Variants in ABRAXAS2 observed in about 807,000 individuals in gnomAD.
ABRAXAS2 encodes the protein BRISC complex subunit Abraxas 2.
A neutral mutation model predicts 49.0 loss-of-function variants in ABRAXAS2; 23 were observed. The observed-to-expected ratio is 0.47, with a 90% CI of 0.34 to 0.66. The LOEUF is 0.66. ABRAXAS2 is among the 30% of genes least tolerant of loss of function. ABRAXAS2 has a pLI of 0.01. For missense variants in ABRAXAS2, 443 were observed against 511.9 expected, an observed-to-expected ratio of 0.87 and a Z score of 1.30; for synonymous variants, 168 against 180.2, an observed-to-expected ratio of 0.93 and a Z score of 0.54.
At chr10:124,808,276 G>A (rs1477247625) in intron 2 of ABRAXAS2, among the ~76,000 whole-genome samples, 1 of 151,762 alleles carries the variant, frequency 6.6e-6, no homozygotes, top group Admixed American at 6.6e-5. Flanking sequence ...CCCGGGTTCA[G>A]GCCATTCTCC....
At chr10:124,815,772 T>G (rs1950820437) in intron 2 of ABRAXAS2, among the ~76,000 whole-genome samples, 1 of 152,050 alleles carries the variant, frequency 6.6e-6, no homozygotes, top group Non-Finnish European at 1.5e-5. Context: ...AAAGGGTTAA[T>G]AGACTTCCAG....
chr10:124,826,582 A>G lies in ABRAXAS2; in HGVS notation c.268-13A>G, dbSNP rs1490107622. The G allele has an allele frequency of 6.2e-7, 1 of 1,601,780 alleles. No individual in the cohort carries two copies. The highest frequency in any genetic ancestry group is 1.7e-5 in the Admixed American group (1 of 58,130). ...TGTAAGATTTCATGCAACTTTTCAC[A>G]CTTTTCTTTCAGAAAGTCATTGGGT... On this transcript the variant is annotated splice_polypyrimidine_tract_variant and intron_variant, in intron 4 of 8. Coordinates refer to ENST00000298492, the MANE Select transcript of ABRAXAS2 (RefSeq NM_032182.4).
intron 1 of ABRAXAS2, among the ~76,000 whole-genome samples, chr10:124,803,712 A>T (rs553444099): frequency 6.6e-6 from 1 of 152,172 alleles, no homozygotes; most frequent in African/African-American, 2.4e-5. Flanking sequence ...GACCAGCCTG[A>T]CCAACAAGGA....
rs763611372 is a variant in ABRAXAS2 at position 124,801,862 on chromosome 10, T to C, written c.33T>C (p.Ser11=). Residue 11 remains serine, a synonymous_variant, in exon 1 of 9, where the codon AGT becomes AGC. Transcript: ENST00000298492. Reference sequence around the variant, plus strand: ...CGTCCATTTCGGGCTACACCTTCAGTGCTGTGTGTTTCCACAGCGCCAACA... The same window carrying C: ...CGTCCATTTCGGGCTACACCTTCAGCGCTGTGTGTTTCCACAGCGCCAACA... MAASISGYTF[S]AVCFHSANSN... The C allele has an allele frequency of 2.5e-6, 4 of 1,613,336 alleles. No homozygotes were observed. In the South Asian group the frequency reaches 4.4e-5, roughly 18 times the overall value.
In ABRAXAS2 at chr10:124,827,842, T is replaced by C. The variant is rs546365087; in HGVS notation, c.459-914T>C. The stretch of plus-strand genomic sequence containing the variant: ...TTTCCCTCTGGAAGTTTATTTGTTG[T>C]AGAATAAATTAAATTGACATCAGTG... On this transcript the variant is annotated intron_variant, in intron 5 of 8. Transcript: ENST00000298492. Among the ~76,000 whole-genome samples, 105 of 152,328 alleles carry C rather than the reference T, an allele frequency of 6.9e-4. 3 individuals are homozygous for C. The South Asian group carries it at 0.021, about 30-fold the overall frequency.
chr10:124,821,595 C>T (rs1318682384), intron 4 of ABRAXAS2, among the ~76,000 whole-genome samples: 1 of 151,886 alleles, frequency 6.6e-6, no homozygotes, highest in African/African-American at 2.4e-5. Flanking sequence ...AAGAAATCCA[C>T]AAATGGCCAA....
chr10:124,810,589 G>GTTT (rs200123779), intron 2 of ABRAXAS2, among the ~76,000 whole-genome samples: 3 of 146,788 alleles, frequency 2.0e-5, no homozygotes, highest in South Asian at 2.1e-4. Flanking sequence ...GATGTTTTTG[G>GTTT]TTTTTTTTTT....
chr10:124,807,632 C>T (rs886681549), intron 2 of ABRAXAS2, among the ~76,000 whole-genome samples: 2 of 152,090 alleles, frequency 1.3e-5, no homozygotes, highest in Non-Finnish European at 2.9e-5. Context: ...AAGAAAAAAA[C>T]TAAAATTATT....
chr10:124,824,568 G>GA (rs1326355194), intron 4 of ABRAXAS2, among the ~76,000 whole-genome samples: 2 of 151,166 alleles, frequency 1.3e-5, no homozygotes, highest in African/African-American at 4.9e-5. Context: ...AGGCAGCTAG[G>GA]AAAAAAAATG....
At chr10:124,811,922 C>T (rs928357378) in intron 2 of ABRAXAS2, among the ~76,000 whole-genome samples, 3 of 152,052 alleles carry the variant, frequency 2.0e-5, no homozygotes, top group African/African-American at 7.2e-5. Flanking sequence ...GGGTTACAGG[C>T]ATGCACCACC....
At chr10:124,824,629 A>G (rs1008392715) in intron 4 of ABRAXAS2, among the ~76,000 whole-genome samples, 6 of 152,192 alleles carry the variant, frequency 3.9e-5, no homozygotes, top group African/African-American at 1.4e-4. Context: ...TAGTCATCCA[A>G]TAGCCACCTT....
At chr10:124,808,033 T>C (rs1179277520) in intron 2 of ABRAXAS2, among the ~76,000 whole-genome samples, 2 of 152,214 alleles carry the variant, frequency 1.3e-5, no homozygotes, top group African/African-American at 4.8e-5. Flanking sequence ...TTTATAGCTA[T>C]AGACACGCCC....
At chr10:124,833,394 G>A (rs901597052) in intron 8 of ABRAXAS2, among the ~76,000 whole-genome samples, 10 of 152,044 alleles carry the variant, frequency 6.6e-5, no homozygotes, top group African/African-American at 1.9e-4. Context: ...GAGCCTGACA[G>A]GTCAAGGCTG....
intron 1 of ABRAXAS2, among the ~76,000 whole-genome samples, chr10:124,805,868 A>C (rs1027143262): frequency 9.9e-5 from 15 of 152,198 alleles, no homozygotes; most frequent in Non-Finnish European, 1.2e-4. Flanking sequence ...AAGTTACTTT[A>C]GGATTTAGAG....
chr10:124,812,922 C>A (rs1165386050), intron 2 of ABRAXAS2, among the ~76,000 whole-genome samples: 1 of 152,188 alleles, frequency 6.6e-6, no homozygotes, highest in Non-Finnish European at 1.5e-5. Flanking sequence ...ACATTTTGGG[C>A]TGGGCGTGGT....
Position 124,834,576 on chromosome 10 carries a change from TC to T in ABRAXAS2, c.855del (p.Ser286LeufsTer35). Reference sequence around the variant, plus strand: ...CCCAGCGTTCAGTCCTCGGATGCCGTCCTCTGGGTTTGCAGCTGAAGGCAGA... The same window carrying T: ...CCCAGCGTTCAGTCCTCGGATGCCGTCTCTGGGTTTGCAGCTGAAGGCAGA... ...LDPAFSPRMPSSGFAAEGRST... is the reference protein window; with the variant it reads ...LDPAFSPRMPXSGFAAEGRST... On this transcript the variant is annotated frameshift_variant, in exon 9 of 9. Transcript: ENST00000298492. LOFTEE classifies it high-confidence loss of function. 1.9e-6 allele frequency: 3 copies of T among 1,614,072 alleles called. No individual in the cohort carries two copies. Among genetic ancestry groups the T allele is most frequent in the Non-Finnish European group, 2.5e-6 (3 of 1,180,012 alleles).
rs116179231 is a variant in ABRAXAS2 at position 124,830,299 on chromosome 10, G to C, written c.663+822G>C. Reference sequence around the variant, plus strand: ...ATTTCTACAAAATAGTTAAAAATTAGCCAGGTGTGGCAGCATGCACCTGTA... The same window carrying C: ...ATTTCTACAAAATAGTTAAAAATTACCCAGGTGTGGCAGCATGCACCTGTA... On this transcript the variant is annotated intron_variant, in intron 7 of 8. Transcript: ENST00000298492. Among the ~76,000 whole-genome samples the C allele has an allele frequency of 2.4e-3, 358 of 152,186 alleles. 2 individuals carry two copies. The highest frequency in any genetic ancestry group is 8.3e-3 in the African/African-American group (343 of 41,508).
chr10:124,826,801 C>T lies in ABRAXAS2; in HGVS notation c.458+16C>T. 1 of 1,612,148 alleles carries T rather than the reference C, an allele frequency of 6.2e-7. No individual in the cohort carries two copies. The highest frequency in any genetic ancestry group is 8.5e-7 in the Non-Finnish European group (1 of 1,178,656). ...CAAATAGAAGGTAAAGCTTGCTTTT[C>T]CATCTGCCTCACATATAAGAAGGAC... On this transcript the variant is annotated intron_variant, in intron 5 of 8. Coordinates refer to ENST00000298492, the MANE Select transcript of ABRAXAS2 (RefSeq NM_032182.4).
At chr10:124,824,501 C>A in intron 4 of ABRAXAS2, among the ~76,000 whole-genome samples, 1 of 146,882 alleles carries the variant, frequency 6.8e-6, no homozygotes. Context: ...GCTCTCCAGC[C>A]TGGGCCACAG....
Sources: allele counts gnomAD v4.1 joint callset (sites outside exome capture counted in the v4.1 genomes callset), GRCh38; gene constraint gnomAD v4.1.1; transcripts MANE v1.5; gene names NCBI Gene and HGNC (gene_info 2026-07-23, HGNC 2026-07-21).